Variants in CCSER1 observed in about 807,000 individuals in gnomAD.
The protein encoded by CCSER1 is coiled-coil serine rich protein 1.
A neutral mutation model predicts 82.0 loss-of-function variants in CCSER1; 41 were observed. The observed-to-expected ratio is 0.50, with a 90% CI of 0.39 to 0.65. The LOEUF (loss-of-function observed/expected upper bound fraction) is 0.65, where lower values mean the gene tolerates loss of function less well. Among genes scored for constraint, CCSER1 ranks in the 30% least tolerant of loss-of-function variants. CCSER1 has a pLI of 0.00. For synonymous variants in CCSER1, 414 were observed against 383.9 expected, an observed-to-expected ratio of 1.08 and a Z score of -0.92; for missense variants, 1,119 against 1,064.2, an observed-to-expected ratio of 1.05 and a Z score of -0.72.
At chr4:90,847,109 CTTTA>C (rs965862189) in intron 8 of CCSER1, among the ~76,000 whole-genome samples, 3 of 152,260 alleles carry the variant, frequency 2.0e-5, no homozygotes, top group Non-Finnish European at 4.4e-5. Flanking sequence ...ATTACAAAGG[CTTTA>C]TTCATTCATT....
intron 10 of CCSER1, among the ~76,000 whole-genome samples, chr4:91,380,957 C>G (rs1013490528): frequency 2.0e-5 from 3 of 152,152 alleles, no homozygotes; most frequent in Admixed American, 6.6e-5. Flanking sequence ...GACAAAATCT[C>G]TCAGCATTTG....
intron 10 of CCSER1, among the ~76,000 whole-genome samples, chr4:91,214,065 C>T (rs1379956797): frequency 2.0e-5 from 3 of 152,024 alleles, no homozygotes; most frequent in Non-Finnish European, 4.4e-5. Flanking sequence ...GAAAAGAGAA[C>T]ATAAATTTCA....
At chr4:90,565,324 C>A (rs994799033) in intron 5 of CCSER1, among the ~76,000 whole-genome samples, 10 of 151,590 alleles carry the variant, frequency 6.6e-5, no homozygotes, top group Non-Finnish European at 1.3e-4. Flanking sequence ...GCTGTTAGTG[C>A]ATAAAAATAG....
At chr4:90,977,356 A>G (rs1735701776) in intron 9 of CCSER1, among the ~76,000 whole-genome samples, 1 of 151,588 alleles carries the variant, frequency 6.6e-6, no homozygotes, top group Non-Finnish European at 1.5e-5. Flanking sequence ...GGCTAAAAGC[A>G]ATCTTTGACA....
chr4:90,889,090 G>T (rs1026010197), intron 8 of CCSER1, among the ~76,000 whole-genome samples: 53 of 152,072 alleles, frequency 3.5e-4, no homozygotes, highest in African/African-American at 1.2e-3. Flanking sequence ...ATACAAAAAA[G>T]TTGTATCAAC....
chr4:91,505,094 C>T (rs966536117), intron 10 of CCSER1, among the ~76,000 whole-genome samples: 9 of 152,120 alleles, frequency 5.9e-5, no homozygotes, highest in Non-Finnish European at 4.4e-5. Context: ...CTCTCCCTTC[C>T]CCTACCCCAC....
intron 1 of CCSER1, among the ~76,000 whole-genome samples, chr4:90,189,494 T>C (rs1216702251): frequency 6.6e-6 from 1 of 151,892 alleles, no homozygotes; most frequent in Non-Finnish European, 1.5e-5. Context: ...CGCAAGTATG[T>C]TTAGTGTATA....
chr4:90,968,644 G>A (rs185599996), intron 9 of CCSER1, among the ~76,000 whole-genome samples: 26 of 152,172 alleles, frequency 1.7e-4, no homozygotes, highest in Admixed American at 1.6e-3. Flanking sequence ...GAAAAGGTCT[G>A]GGAGACCCCA....
At chr4:90,814,220 A>G (rs973968743) in intron 7 of CCSER1, among the ~76,000 whole-genome samples, 9 of 152,200 alleles carry the variant, frequency 5.9e-5, no homozygotes, top group Middle Eastern at 3.2e-3. Flanking sequence ...CCATGGCCCA[A>G]GGCTACACAG....
At chr4:90,338,033 A>AT (rs897380416) in intron 3 of CCSER1, among the ~76,000 whole-genome samples, 9 of 152,308 alleles carry the variant, frequency 5.9e-5, no homozygotes, top group Admixed American at 2.0e-4. Context: ...ATATTGATGA[A>AT]TTTTTTATAC....
chr4:90,799,931 C>T (rs902474545), intron 7 of CCSER1, among the ~76,000 whole-genome samples: 2 of 152,134 alleles, frequency 1.3e-5, no homozygotes, highest in African/African-American at 4.8e-5. Flanking sequence ...TTCAACTGAC[C>T]CATTCCCTGG....
intron 10 of CCSER1, among the ~76,000 whole-genome samples, chr4:91,490,609 G>A (rs370960708): frequency 5.9e-5 from 9 of 151,552 alleles, no homozygotes; most frequent in East Asian, 3.9e-4. Flanking sequence ...AGGTATTGGG[G>A]TGGGAGGAAG....
At chr4:90,958,146 CCTCTGAATTTT>C (rs1733711795) in intron 9 of CCSER1, among the ~76,000 whole-genome samples, 1 of 152,008 alleles carries the variant, frequency 6.6e-6, no homozygotes, top group Non-Finnish European at 1.5e-5. Context: ...ATGTTTAAGA[CCTCTGAATTTT>C]CTCTGAATTA....
At chr4:90,261,728 C>G (rs750966076) in intron 1 of CCSER1, among the ~76,000 whole-genome samples, 6 of 152,188 alleles carry the variant, frequency 3.9e-5, no homozygotes, top group Non-Finnish European at 8.8e-5. Flanking sequence ...TCCTCAGGAA[C>G]ACCAATTATT....
intron 9 of CCSER1, among the ~76,000 whole-genome samples, chr4:91,073,373 A>C (rs966835651): frequency 6.6e-6 from 1 of 152,148 alleles, no homozygotes; most frequent in African/African-American, 2.4e-5. Flanking sequence ...TATGTTTATT[A>C]ACTTAAAAGG....
chr4:90,235,885 G>C (rs1336393075), intron 1 of CCSER1, among the ~76,000 whole-genome samples: 1 of 152,092 alleles, frequency 6.6e-6, no homozygotes, highest in East Asian at 1.9e-4. Context: ...TATCAAACCT[G>C]GAAAATAAGA....
At chr4:90,312,760 A>G (rs1735524614) in intron 2 of CCSER1, 103 bp from the exon 3 acceptor site, 1 of 889,588 alleles carries the variant, frequency 1.1e-6, no homozygotes, top group Non-Finnish European at 1.7e-6. Flanking sequence ...TGATAGAGAA[A>G]CTTTGAATAA....
intron 9 of CCSER1, among the ~76,000 whole-genome samples, chr4:91,054,683 G>T (rs1743288240): frequency 6.6e-6 from 1 of 150,814 alleles, no homozygotes; most frequent in Admixed American, 6.6e-5. Context: ...CTTGGGACAA[G>T]CAGTATCTCA....
intron 4 of CCSER1, among the ~76,000 whole-genome samples, chr4:90,430,531 A>G (rs1414482323): frequency 6.6e-6 from 1 of 151,918 alleles, no homozygotes; most frequent in Admixed American, 6.6e-5. Flanking sequence ...TTCTAATTTT[A>G]TTGACACTTC....
Sources: gnomAD v4.1 joint callset for allele counts (sites outside exome capture counted in the v4.1 genomes callset) on GRCh38, gnomAD v4.1.1 for gene constraint, MANE v1.5 for transcripts, NCBI Gene and HGNC (gene_info 2026-07-23, HGNC 2026-07-21) for gene names.